TMOD1: variants seen among roughly 807,000 people sequenced by gnomAD.
TMOD1 encodes the protein tropomodulin 1, also known as tropomodulin-1.
A neutral mutation model predicts 40.6 loss-of-function variants in TMOD1; 17 were observed. That is an observed-to-expected ratio of 0.42 (90% CI 0.29 to 0.63). The LOEUF (loss-of-function observed/expected upper bound fraction) is 0.63. TMOD1 is among the 20% of genes least tolerant of loss of function. The pLI is 0.22. For missense variants in TMOD1, 391 were observed against 447.6 expected (o/e 0.87, Z 1.14); for synonymous variants, 181 against 175.0 (o/e 1.03, Z -0.27).
At chr9:97,521,434 T>C (rs1829913942) in intron 1 of TMOD1, among the ~76,000 whole-genome samples, 1 of 152,138 alleles carries the variant, frequency 6.6e-6, no homozygotes, top group South Asian at 2.1e-4. Context: ...TCTCTGTGAG[T>C]TGGTTCTGGA....
intron 8 of TMOD1, among the ~76,000 whole-genome samples, chr9:97,583,729 G>T (rs1171641319): frequency 7.1e-6 from 1 of 141,580 alleles, no homozygotes; most frequent in African/African-American, 2.7e-5. Flanking sequence ...TTTAGTCTTG[G>T]GAGAGTGTAT....
At chr9:97,558,402 T>TG (rs1270275026) in intron 4 of TMOD1, among the ~76,000 whole-genome samples, 2 of 151,482 alleles carry the variant, frequency 1.3e-5, no homozygotes, top group African/African-American at 2.4e-5. Flanking sequence ...AAGTTGGGGG[T>TG]GGGGGGTCTA....
intron 1 of TMOD1, among the ~76,000 whole-genome samples, chr9:97,508,627 G>A (rs553380237): frequency 2.5e-4 from 38 of 152,304 alleles, no homozygotes; most frequent in African/African-American, 7.9e-4. Context: ...TTATGGGAAG[G>A]TGGCAGCATG....
chr9:97,575,904 T>G, intron 8 of TMOD1, among the ~76,000 whole-genome samples: 1 of 152,218 alleles, frequency 6.6e-6, no homozygotes, highest in East Asian at 1.9e-4. Flanking sequence ...GACTTTTACA[T>G]CCTTTTGTCA....
intron 2 of TMOD1, among the ~76,000 whole-genome samples, chr9:97,536,821 C>A (rs903410398): frequency 5.9e-5 from 9 of 152,178 alleles, no homozygotes; most frequent in Admixed American, 2.0e-4. Context: ...AGAATAGGAA[C>A]CTGGGACCGC....
intron 2 of TMOD1, among the ~76,000 whole-genome samples, chr9:97,537,442 A>G (rs1830202085): frequency 6.6e-6 from 1 of 152,250 alleles, no homozygotes; most frequent in Non-Finnish European, 1.5e-5. Context: ...AGCAATGATA[A>G]CTGTGCAGAT....
intron 2 of TMOD1, among the ~76,000 whole-genome samples, chr9:97,545,511 G>A (rs527241517): frequency 2.6e-5 from 4 of 152,332 alleles, no homozygotes; most frequent in Middle Eastern, 3.4e-3. Flanking sequence ...CAGGGGCGAC[G>A]TTCAAAATAT....
chr9:97,585,533 T>C (rs1825851080), intron 8 of TMOD1, among the ~76,000 whole-genome samples: 1 of 150,280 alleles, frequency 6.7e-6, no homozygotes, highest in African/African-American at 2.5e-5. Context: ...CTGTATTTCC[T>C]GAATCTGAAT....
At chr9:97,532,471 G>A (rs182181081) in intron 2 of TMOD1, among the ~76,000 whole-genome samples, 1 of 152,188 alleles carries the variant, frequency 6.6e-6, no homozygotes, top group East Asian at 1.9e-4. Context: ...GCTCCACCCT[G>A]GCAACACTGA....
chr9:97,522,045 G>T (rs753615361), intron 1 of TMOD1, among the ~76,000 whole-genome samples: 23 of 152,288 alleles, frequency 1.5e-4, no homozygotes, highest in Non-Finnish European at 2.6e-4. Context: ...CGGGTGGGTT[G>T]GTTGGTTGGC....
chr9:97,524,118 T>C, intron 1 of TMOD1, 23 bp from the exon 2 acceptor site: 1 of 1,538,930 alleles, frequency 6.5e-7, no homozygotes, highest in East Asian at 2.3e-5. Context: ...CGGGTCTTTC[T>C]AAGGTTCTTG....
intron 9 of TMOD1, among the ~76,000 whole-genome samples, chr9:97,593,398 C>G (rs1246410105): frequency 1.3e-5 from 2 of 152,066 alleles, no homozygotes; most frequent in African/African-American, 4.8e-5. Context: ...GATGGTAGAA[C>G]CAGAAGGACT....
At chr9:97,544,480 G>T (rs1830328865) in intron 2 of TMOD1, among the ~76,000 whole-genome samples, 1 of 149,460 alleles carries the variant, frequency 6.7e-6, no homozygotes, top group Admixed American at 6.7e-5. Context: ...AGGTTGCATT[G>T]AGCCGAGATC....
chr9:97,503,160 C>T lies in TMOD1; in HGVS notation c.-49+1357C>T, dbSNP rs540042083. On this transcript the variant is annotated intron_variant, in intron 1 of 9. Transcript: ENST00000259365. The stretch of plus-strand genomic sequence containing the variant: ...TGCCATTTTGTCCTCTGTGCAGGGC[C>T]GCAGAGCCCCCTGCTCAAGGTCACA... Among the ~76,000 whole-genome samples, 10 of 152,272 alleles carry T rather than the reference C, an allele frequency of 6.6e-5. No homozygotes were observed. In the East Asian group the frequency reaches 9.7e-4, roughly 15 times the overall value.
intron 1 of TMOD1, chr9:97,512,884 A>G (rs1325159100): frequency 3.9e-5 from 6 of 152,188 alleles, no homozygotes; most frequent in Non-Finnish European, 7.3e-5. Flanking sequence ...AGGTATATAA[A>G]TGTGGGAAAA....
At position 97,601,111 on chromosome 9, in the gene TMOD1, T is replaced by G; in HGVS notation, c.*1413T>G. ...AGGGCCTCAGCGCTATGGAAGAGTG[T>G]CCACTGAGGCTGCACATGGCCCAGG... On this transcript the variant is annotated 3_prime_UTR_variant, in exon 10 of 10. Transcript: ENST00000259365. 1 of 1,304,260 alleles carries G rather than the reference T, an allele frequency of 7.7e-7. No homozygotes were observed. The highest frequency in any genetic ancestry group is 1.0e-6 in the Non-Finnish European group (1 of 988,946). 80.8% of individuals were successfully genotyped at this position (1,304,260 alleles called of 1,614,324 possible). A position where few individuals can be genotyped will look rare whatever the true frequency, so the allele number is the denominator to read the frequency against.
chr9:97,550,703 A>G (rs78898145), intron 3 of TMOD1, among the ~76,000 whole-genome samples: 3,829 of 152,130 alleles, frequency 0.025, 171 homozygotes, highest in African/African-American at 0.087. Flanking sequence ...TCTTTTACCC[A>G]TTTTAAAATT....
At chr9:97,524,368 G>T (rs1829966646) in intron 2 of TMOD1, 60 bp downstream of exon 2, 1 of 1,573,516 alleles carries the variant, frequency 6.4e-7, no homozygotes, top group Non-Finnish European at 8.6e-7. Context: ...GGAGGGACAG[G>T]TGGATGCTTC....
intron 2 of TMOD1, among the ~76,000 whole-genome samples, chr9:97,532,421 T>G (rs1248226721): frequency 6.6e-6 from 1 of 152,132 alleles, no homozygotes; most frequent in Admixed American, 6.5e-5. Context: ...TCGGGAAGCC[T>G]TTTAGACTCT....
Sources: allele counts gnomAD v4.1 joint callset (sites outside exome capture counted in the v4.1 genomes callset), GRCh38; gene constraint gnomAD v4.1.1; transcripts MANE v1.5; gene names NCBI Gene and HGNC (gene_info 2026-07-23, HGNC 2026-07-21).